Variants in ARL6IP1 observed in about 807,000 individuals in gnomAD.
ARL6IP1 encodes the protein ADP-ribosylation factor-like protein 6-interacting protein 1.
In ARL6IP1, 16 loss-of-function variants were observed where a neutral mutation model predicts 30.1. The observed-to-expected ratio is 0.53, with a 90% CI of 0.36 to 0.81. The LOEUF (loss-of-function observed/expected upper bound fraction) is 0.81. Among genes scored for constraint, ARL6IP1 ranks in the 30% least tolerant of loss-of-function variants. The pLI, the probability that ARL6IP1 is intolerant of heterozygous loss-of-function variation, is 0.01. For synonymous variants in ARL6IP1, 72 were observed against 84.8 expected, an observed-to-expected ratio of 0.85 and a Z score of 0.83; for missense variants, 173 against 242.7, an observed-to-expected ratio of 0.71 and a Z score of 1.91.
At position 18,801,505 on chromosome 16, in the gene ARL6IP1, C is replaced by A. The variant is rs369074141; in HGVS notation, c.-39G>T. Reference sequence around the variant, plus strand: ...CAGTCTCTACAAGCGCAGGCCACCTCCCCAACGAGTCCTCCAACCGAAACC... The same window carrying A: ...CAGTCTCTACAAGCGCAGGCCACCTACCCAACGAGTCCTCCAACCGAAACC... On this transcript the variant is annotated 5_prime_UTR_variant, in exon 1 of 6. Coordinates refer to ENST00000304414, the MANE Select transcript of ARL6IP1 (RefSeq NM_015161.3). 1.2e-6 allele frequency: 2 copies of A among 1,605,966 alleles called. No individual in the cohort carries two copies. The highest frequency in any genetic ancestry group is 1.7e-6 in the Non-Finnish European group (2 of 1,177,122).
intron 1 of ARL6IP1, 130 bp from the exon 2 acceptor site, chr16:18,798,964 G>T: frequency 9.9e-7 from 1 of 1,014,452 alleles, no homozygotes; most frequent in Non-Finnish European, 1.4e-6. Flanking sequence ...TTTTAAACTA[G>T]TTGGTTTCTG....
At chr16:18,793,581 G>A (rs1261340711) in intron 5 of ARL6IP1, among the ~76,000 whole-genome samples, 2 of 149,514 alleles carry the variant, frequency 1.3e-5, no homozygotes, top group African/African-American at 4.9e-5. Context: ...ACAGGCATGC[G>A]CCACTACGCC....
rs1386176927 is a variant in ARL6IP1, at chr16:18,793,030, G to C, written c.*222C>G. The C allele has an allele frequency of 1.3e-5, 5 of 383,062 alleles. No individual in the cohort carries two copies. The highest frequency in any genetic ancestry group is 2.1e-5 in the African/African-American group (1 of 47,928). 23.7% of individuals were successfully genotyped at this position (383,062 alleles called of 1,614,324 possible). On this transcript the variant is annotated 3_prime_UTR_variant, in exon 6 of 6. Transcript: ENST00000304414. ...GTAAGAAAAGTCAAAACACTAATGA[G>C]TTGTCCATGAAGCCAACTGCTAAGA...
At chr16:18,798,470 A>G (rs550631917) in intron 2 of ARL6IP1, 2 of 461,442 alleles carry the variant, frequency 4.3e-6, no homozygotes, top group Admixed American at 3.8e-5. Context: ...AAGTGTCTGG[A>G]GGACAAAAAG....
rs527290226 is a variant in ARL6IP1, at chr16:18,793,074, G to A, written c.*178C>T. 3.7e-5 allele frequency: 19 copies of A among 516,682 alleles called. No individual in the cohort carries two copies. The highest frequency in any genetic ancestry group is 5.8e-5 in the Non-Finnish European group (17 of 290,654). The allele number at this position is 516,682 out of a possible 1,614,324, so 32.0% of individuals were successfully genotyped here. ...GCTAAGAACGCGCTCAACTATACGC[G>A]ACATGAAGACACTATGCACGAAGCC... On this transcript the variant is annotated 3_prime_UTR_variant, in exon 6 of 6. Transcript: ENST00000304414.
intron 3 of ARL6IP1, chr16:18,797,707 T>C: frequency 2.3e-6 from 1 of 428,830 alleles, no homozygotes; most frequent in Non-Finnish European, 4.1e-6. Flanking sequence ...AATGTAAAAA[T>C]GTATATGTGC....
At chr16:18,794,179 C>T (rs1208243297) in intron 5 of ARL6IP1, among the ~76,000 whole-genome samples, 4 of 152,120 alleles carry the variant, frequency 2.6e-5, no homozygotes, top group East Asian at 3.9e-4. Context: ...CTCAAACTCC[C>T]GGCCTCAAGT....
At position 18,801,510 on chromosome 16, in the gene ARL6IP1, A is replaced by G. The variant is rs112185264; in HGVS notation, c.-44T>C. On this transcript the variant is annotated 5_prime_UTR_variant, in exon 1 of 6. Transcript: ENST00000304414. ...TCTACAAGCGCAGGCCACCTCCCCA[A>G]CGAGTCCTCCAACCGAAACCCGCAC... 3.2e-4 allele frequency: 514 copies of G among 1,603,948 alleles called. No individual in the cohort carries two copies. Among genetic ancestry groups the G allele is most frequent in the South Asian group, 7.6e-4 (68 of 89,274 alleles).
chr16:18,796,597 T>A (rs1207946095), intron 3 of ARL6IP1, among the ~76,000 whole-genome samples: 2 of 152,378 alleles, frequency 1.3e-5, no homozygotes, highest in African/African-American at 4.8e-5. Flanking sequence ...ATCTGGCTAA[T>A]AAGGCCAAGG....
chr16:18,801,215 C>G, intron 1 of ARL6IP1: 1 of 1,414,882 alleles, frequency 7.1e-7, no homozygotes. Context: ...TGATGAATCA[C>G]GCGCCCTCCT....
chr16:18,801,529 C>T lies in ARL6IP1; in HGVS notation c.-63G>A. 10 of 1,590,042 alleles carry T rather than the reference C, an allele frequency of 6.3e-6. No homozygotes were observed. Among genetic ancestry groups the T allele is most frequent in the Non-Finnish European group, 8.6e-6 (10 of 1,169,224 alleles). On this transcript the variant is annotated 5_prime_UTR_variant, in exon 1 of 6. Coordinates refer to ENST00000304414, the MANE Select transcript of ARL6IP1 (RefSeq NM_015161.3). ...TCCCCAACGAGTCCTCCAACCGAAA[C>T]CCGCACACCAACCACAACCCGAGGG...
rs1362147379 is a variant in ARL6IP1, at chr16:18,801,259, G to T, written c.36+172C>A. The T allele has an allele frequency of 2.1e-6, 3 of 1,438,446 alleles. No homozygotes were observed. In the African/African-American group the frequency reaches 4.3e-5, roughly 21 times the overall value. The allele number at this position is 1,438,446 out of a possible 1,614,324, so 89.1% of individuals were successfully genotyped here. A position where few individuals can be genotyped will look rare whatever the true frequency, so the allele number is the denominator to read the frequency against. On this transcript the variant is annotated intron_variant, in intron 1 of 5. Coordinates refer to ENST00000304414, the MANE Select transcript of ARL6IP1 (RefSeq NM_015161.3). ...CGCGCACCGTCCCCAGGAAAGGTAA[G>T]GGTTCGACACCCAGGAGTCACCCAA...
chr16:18,793,372 T>A lies in ARL6IP1; in HGVS notation c.494-2A>T. On this transcript the variant is annotated splice_acceptor_variant, in intron 5 of 5. Transcript: ENST00000304414. LOFTEE classifies it high-confidence loss of function. ...CAGGAAGCAATAGTAAGGAAGTCAC[T>A]TAAAATAAAAAAAAACCCAACATTA... 1 of 1,560,364 alleles carries A rather than the reference T, an allele frequency of 6.4e-7. No individual in the cohort carries two copies. The highest frequency in any genetic ancestry group is 1.9e-5 in the Admixed American group (1 of 51,470).
At chr16:18,800,997 T>C (rs948693519) in intron 1 of ARL6IP1, among the ~76,000 whole-genome samples, 39 of 152,222 alleles carry the variant, frequency 2.6e-4, no homozygotes, top group African/African-American at 9.2e-4. Flanking sequence ...CAGTAGCCCT[T>C]TGACCCTCCA....
At chr16:18,799,240 G>A (rs367766919) in intron 1 of ARL6IP1, among the ~76,000 whole-genome samples, 60 of 152,264 alleles carry the variant, frequency 3.9e-4, no homozygotes, top group African/African-American at 1.2e-3. Flanking sequence ...TCAAACTCTG[G>A]ACCTCAAGTG....
Position 18,793,243 on chromosome 16 carries a change from G to A in ARL6IP1, c.*9C>T, listed in dbSNP as rs775370872. 1.9e-6 allele frequency: 3 copies of A among 1,575,364 alleles called. No homozygotes were observed. The highest frequency in any genetic ancestry group is 2.6e-6 in the Non-Finnish European group (3 of 1,147,196). ...TGCTGCATTAATCACACTGATTAAA[G>A]CAGATGAATCATTCGTTTTTCTTTT... On this transcript the variant is annotated 3_prime_UTR_variant, in exon 6 of 6. Transcript: ENST00000304414.
rs754590074 is a variant in ARL6IP1, at chr16:18,798,666, A to T, written c.170+35T>A. 1.2e-5 allele frequency: 19 copies of T among 1,594,940 alleles called. No homozygotes were observed. The Admixed American group carries it at 2.5e-4, about 21-fold the overall frequency. ...ATATTAAAAAGTCTTTATTAATAAG[A>T]AGCACAACCCATAGTAATCTAATAG... is the stretch of plus-strand genomic sequence containing the variant. On this transcript the variant is annotated intron_variant, in intron 2 of 5. Transcript: ENST00000304414.
chr16:18,798,678 T>C, intron 2 of ARL6IP1, 23 bp downstream of exon 2: 2 of 1,611,990 alleles, frequency 1.2e-6, no homozygotes, highest in Non-Finnish European at 1.7e-6. Flanking sequence ...GCACAACCCA[T>C]AGTAATCTAA....
intron 2 of ARL6IP1, 107 bp downstream of exon 2, chr16:18,798,594 G>T: frequency 3.2e-6 from 4 of 1,246,208 alleles, no homozygotes; most frequent in Non-Finnish European, 4.3e-6. Flanking sequence ...TTCTTTATGG[G>T]TTATATATTA....
Sources: gnomAD v4.1 joint callset for allele counts (sites outside exome capture counted in the v4.1 genomes callset) on GRCh38, gnomAD v4.1.1 for gene constraint, MANE v1.5 for transcripts, NCBI Gene and HGNC (gene_info 2026-07-23, HGNC 2026-07-21) for gene names.